Variants in SUMF1 observed in about 807,000 individuals in gnomAD.
SUMF1 encodes the protein sulfatase modifying factor 1, also known as formylglycine-generating enzyme.
SUMF1 carries 48 observed loss-of-function variants against 47.6 expected under a neutral mutation model. The observed-to-expected ratio is 1.01, with a 90% CI of 0.80 to 1.28. The LOEUF is 1.28. Among genes scored for constraint, SUMF1 ranks in the 50% most tolerant of loss-of-function variants. The pLI is 0.00. For synonymous variants in SUMF1, 230 were observed against 192.1 expected, an observed-to-expected ratio of 1.20 and a Z score of -1.63; for missense variants, 571 against 485.4, an observed-to-expected ratio of 1.18 and a Z score of -1.66.
At chr3:4,073,728 A>AAG (rs764818178) in intron 8 of SUMF1, among the ~76,000 whole-genome samples, 1 of 152,172 alleles carries the variant, frequency 6.6e-6, no homozygotes, top group Non-Finnish European at 1.5e-5. Context: ...AACAAAGATC[A>AAG]AGAGAGACTA....
intron 7 of SUMF1, among the ~76,000 whole-genome samples, chr3:4,393,396 A>T (rs961134697): frequency 6.6e-6 from 1 of 152,132 alleles, no homozygotes; most frequent in East Asian, 1.9e-4. Context: ...GCAGTGGTGC[A>T]ATCATAGCTC....
At chr3:4,309,753 T>G (rs1381106057) in intron 8 of SUMF1, among the ~76,000 whole-genome samples, 1 of 152,208 alleles carries the variant, frequency 6.6e-6, no homozygotes, top group Non-Finnish European at 1.5e-5. Context: ...AGAGAATGCT[T>G]CTTCCCTAAT....
intron 3 of SUMF1, among the ~76,000 whole-genome samples, chr3:4,440,243 C>CAA (rs758476250): frequency 2.4e-3 from 72 of 30,490 alleles, no homozygotes; most frequent in Middle Eastern, 0.025. Flanking sequence ...GACTCTGTCT[C>CAA]AAAAAAAAAA....
chr3:4,098,906 G>C (rs1266544994), intron 8 of SUMF1, among the ~76,000 whole-genome samples: 1 of 152,096 alleles, frequency 6.6e-6, no homozygotes, highest in Non-Finnish European at 1.5e-5. Context: ...CCAATAAAAT[G>C]TTAACATTCG....
At chr3:4,179,894 C>T (rs1377217724) in intron 8 of SUMF1, among the ~76,000 whole-genome samples, 1 of 152,024 alleles carries the variant, frequency 6.6e-6, no homozygotes, top group African/African-American at 2.4e-5. Context: ...GATATGAACA[C>T]ACACTTCTCA....
intron 8 of SUMF1, among the ~76,000 whole-genome samples, chr3:4,242,883 G>A (rs930680212): frequency 2.0e-5 from 3 of 152,132 alleles, no homozygotes; most frequent in South Asian, 4.1e-4. Context: ...GGTAGAATTC[G>A]GGTGTGAATC....
At chr3:4,360,390 C>T (rs1442098012), downstream of SUMF1, among the ~76,000 whole-genome samples, 8 of 151,440 alleles carry the variant, frequency 5.3e-5, no homozygotes, top group Non-Finnish European at 7.4e-5. Flanking sequence ...TGCAATGGCG[C>T]GATCTCGGCT....
At chr3:4,055,078 CAG>C (rs755884517) in intron 9 of SUMF1, among the ~76,000 whole-genome samples, 23 of 152,280 alleles carry the variant, frequency 1.5e-4, no homozygotes, top group African/African-American at 5.3e-4. Flanking sequence ...GTTGTTGAAA[CAG>C]ATACTGTAGT....
At chr3:4,383,370 T>G (rs1196781608) in intron 7 of SUMF1, among the ~76,000 whole-genome samples, 1 of 151,992 alleles carries the variant, frequency 6.6e-6, no homozygotes, top group Non-Finnish European at 1.5e-5. Context: ...CAGAGCAAGA[T>G]TCCAACTCAA....
intron 3 of SUMF1, among the ~76,000 whole-genome samples, chr3:4,438,165 T>C (rs1212169325): frequency 2.0e-5 from 3 of 151,612 alleles, no homozygotes; most frequent in African/African-American, 4.9e-5. Context: ...TTTCATTTTA[T>C]AAATAGCATA....
chr3:4,225,748 T>C (rs1696158635), intron 8 of SUMF1, among the ~76,000 whole-genome samples: 2 of 152,012 alleles, frequency 1.3e-5, no homozygotes, highest in South Asian at 4.1e-4. Context: ...TTAAGAAAAA[T>C]CCCTGAAGTG....
intron 8 of SUMF1, among the ~76,000 whole-genome samples, chr3:4,141,501 C>T (rs1694069756): frequency 6.6e-6 from 1 of 152,050 alleles, no homozygotes; most frequent in Non-Finnish European, 1.5e-5. Flanking sequence ...ACTTATTCAT[C>T]AAGGGTCATT....
At chr3:4,180,105 A>G (rs1695059712) in intron 8 of SUMF1, among the ~76,000 whole-genome samples, 1 of 152,214 alleles carries the variant, frequency 6.6e-6, no homozygotes, top group Non-Finnish European at 1.5e-5. Context: ...GGGAGTGTAA[A>G]TTAGTTCCAC....
rs573841986 is a variant in SUMF1, at chr3:4,232,334, C to T, written c.1014+143996G>A. Among the ~76,000 whole-genome samples, 19 of 152,132 alleles carry T rather than the reference C, an allele frequency of 1.2e-4. No homozygotes were observed. The South Asian group carries it at 1.9e-3, about 15-fold the overall frequency. ...AAAATGTCACTGCAGCTGTTCCCCG[C>T]GATGAATAATATCCAACTGTACTTT... On this transcript the variant is annotated intron_variant and NMD_transcript_variant, in intron 8 of 12. Coordinates refer to the SUMF1 transcript ENST00000448413.
At chr3:4,111,457 C>T (rs769595567) in intron 8 of SUMF1, among the ~76,000 whole-genome samples, 13 of 151,978 alleles carry the variant, frequency 8.6e-5, no homozygotes, top group East Asian at 1.9e-4. Context: ...CAGTGACTCA[C>T]GCCTGTAATG....
chr3:4,412,877 A>C (rs1701589990), intron 6 of SUMF1, among the ~76,000 whole-genome samples: 1 of 152,206 alleles, frequency 6.6e-6, no homozygotes. Flanking sequence ...TGACACAGCG[A>C]GATTACGTCT....
intron 8 of SUMF1, among the ~76,000 whole-genome samples, chr3:4,365,192 G>C (rs1429823991): frequency 8.1e-6 from 1 of 123,822 alleles, no homozygotes; most frequent in African/African-American, 2.8e-5. Flanking sequence ...TGTATATTCT[G>C]TTGATTTGGG....
chr3:4,059,159 A>G (rs891077357), intron 9 of SUMF1, among the ~76,000 whole-genome samples: 7 of 152,158 alleles, frequency 4.6e-5, no homozygotes, highest in South Asian at 2.1e-4. Flanking sequence ...GTTTAAAAAA[A>G]TAAAAAGGCG....
intron 3 of SUMF1, among the ~76,000 whole-genome samples, chr3:4,438,079 CAAAGTA>C (rs1325360879): frequency 9.2e-5 from 14 of 151,978 alleles, no homozygotes; most frequent in African/African-American, 3.1e-4. Context: ...AAATCATTAT[CAAAGTA>C]AAAGAGAATC....
Sources: gnomAD v4.1 joint callset for allele counts (sites outside exome capture counted in the v4.1 genomes callset) on GRCh38, gnomAD v4.1.1 for gene constraint, MANE v1.5 for transcripts, NCBI Gene and HGNC (gene_info 2026-07-23, HGNC 2026-07-21) for gene names.